Variants in ERMP1 observed in about 807,000 individuals in gnomAD.
ERMP1 encodes endoplasmic reticulum metallopeptidase 1.
A neutral mutation model predicts 92.0 loss-of-function variants in ERMP1; 86 were observed. That is an observed-to-expected ratio of 0.93 (90% CI 0.79 to 1.12). The LOEUF is 1.12. Among genes scored for constraint, ERMP1 ranks in the 50% most tolerant of loss-of-function variants. The pLI is 0.00. For missense variants in ERMP1, 1,342 were observed against 1,116.3 expected, an observed-to-expected ratio of 1.20 and a Z score of -2.88; for synonymous variants, 530 against 412.8, an observed-to-expected ratio of 1.28 and a Z score of -3.44.
chr9:5,844,362 T>C (rs1830208237), intron 6 of ERMP1, among the ~76,000 whole-genome samples: 1 of 152,188 alleles, frequency 6.6e-6, no homozygotes, highest in Admixed American at 6.5e-5. Context: ...GCAACCTCTG[T>C]CTCCCAGGTT....
At chr9:5,827,061 G>A (rs950677372) in intron 2 of ERMP1, among the ~76,000 whole-genome samples, 4 of 152,156 alleles carry the variant, frequency 2.6e-5, no homozygotes, top group Non-Finnish European at 5.9e-5. Context: ...ATAACTCAAT[G>A]CCTCTTCTAC....
intron 1 of ERMP1, among the ~76,000 whole-genome samples, chr9:5,832,085 TAA>T (rs71487835): frequency 1.6e-4 from 22 of 135,814 alleles, no homozygotes; most frequent in Admixed American, 3.7e-4. Context: ...TTAAAGGTCT[TAA>T]AAAAAAAAAA....
chr9:5,787,827 T>C (rs1201883209), intron 13 of ERMP1, among the ~76,000 whole-genome samples: 1 of 152,214 alleles, frequency 6.6e-6, no homozygotes, highest in Non-Finnish European at 1.5e-5. Context: ...GTTAAGTTGG[T>C]CCTATCACTT....
chr9:5,789,551 G>C (rs564975595), intron 13 of ERMP1, among the ~76,000 whole-genome samples: 3 of 152,192 alleles, frequency 2.0e-5, no homozygotes, highest in Non-Finnish European at 4.4e-5. Context: ...TTCAGCAAAA[G>C]AACTTTTTCC....
intron 4 of ERMP1, among the ~76,000 whole-genome samples, chr9:5,821,940 C>T (rs933559389): frequency 1.3e-5 from 2 of 152,188 alleles, no homozygotes; most frequent in African/African-American, 4.8e-5. Flanking sequence ...TGTGTTCCTC[C>T]TATCCTAACT....
chr9:5,826,459 G>C (rs1031430921), intron 2 of ERMP1, among the ~76,000 whole-genome samples: 5 of 152,190 alleles, frequency 3.3e-5, no homozygotes, highest in African/African-American at 1.2e-4. Context: ...ATAATGCCCA[G>C]TGCCTAGCAC....
intron 13 of ERMP1, among the ~76,000 whole-genome samples, chr9:5,790,117 T>C (rs913634775): frequency 2.0e-5 from 3 of 151,634 alleles, no homozygotes; most frequent in Middle Eastern, 3.4e-3. Context: ...AAGAGGAAAG[T>C]AGAATAAGCA....
At chr9:5,857,432 G>C (rs114954572) in intron 6 of ERMP1, among the ~76,000 whole-genome samples, 1 of 152,144 alleles carries the variant, frequency 6.6e-6, no homozygotes, top group Non-Finnish European at 1.5e-5. Flanking sequence ...ACAACTCTGC[G>C]TGTGTCTCAA....
At chr9:5,790,553 A>G (rs1828145708) in intron 13 of ERMP1, among the ~76,000 whole-genome samples, 1 of 152,238 alleles carries the variant, frequency 6.6e-6, no homozygotes, top group African/African-American at 2.4e-5. Context: ...GAATACAGAG[A>G]GATACAGAAA....
At chr9:5,843,672 T>C (rs1830196706) in intron 6 of ERMP1, among the ~76,000 whole-genome samples, 1 of 152,246 alleles carries the variant, frequency 6.6e-6, no homozygotes, top group African/African-American at 2.4e-5. Context: ...TTGTTTATTT[T>C]GCAGGAACAG....
At chr9:5,825,714 C>G (rs942851722) in intron 2 of ERMP1, among the ~76,000 whole-genome samples, 1 of 152,182 alleles carries the variant, frequency 6.6e-6, no homozygotes, top group Non-Finnish European at 1.5e-5. Context: ...TGTAACATTC[C>G]TTTAAGGCTT....
chr9:5,833,859 T>C (rs189106118), upstream of ERMP1, among the ~76,000 whole-genome samples: 1 of 152,292 alleles, frequency 6.6e-6, no homozygotes, highest in Admixed American at 6.5e-5. Context: ...GACGACTCTC[T>C]GGGGCGGTTA....
chr9:5,797,112 T>G (rs1828459450), intron 13 of ERMP1, among the ~76,000 whole-genome samples: 1 of 152,162 alleles, frequency 6.6e-6, no homozygotes, highest in Non-Finnish European at 1.5e-5. Flanking sequence ...GCTATCAGCC[T>G]TGACCTCCTG....
rs1262456619 is a variant in ERMP1 at position 5,787,542 on chromosome 9, G to C, written c.2438C>G (p.Ser813Cys). 6.2e-7 allele frequency: 1 copy of C among 1,613,998 alleles called. No homozygotes were observed. The highest frequency in any genetic ancestry group is 1.3e-5 in the African/African-American group (1 of 74,926). ...GGTGCCATTGCCAAGAGACCACTGA[G>C]AAAGTGTTGACCCTTTGTGGGCTCG... is the stretch of plus-strand genomic sequence containing the variant. ...YVRAHKGSTL[S>C]QWSLGNGTPV... Residue 813 changes from serine (S) to cysteine (C), a missense_variant, in exon 14 of 15, where the codon TCT becomes TGT. Coordinates refer to ENST00000339450, the MANE Select transcript of ERMP1 (RefSeq NM_024896.3).
Position 5,801,288 on chromosome 9 carries a change from A to ATG in ERMP1, c.1953_1954dup (p.Met652ThrfsTer3). The ATG allele has an allele frequency of 6.2e-7, 1 of 1,613,548 alleles. No individual in the cohort carries two copies. The highest frequency in any genetic ancestry group is 8.5e-7 in the Non-Finnish European group (1 of 1,179,764). ...TGCACATACCAAAGTTAAAGTTAGC[A>ATG]TGGTTTTTTTTGTGCTCTTGGCAAG... On this transcript the variant is annotated frameshift_variant, in exon 11 of 15. Coordinates refer to ENST00000339450, the MANE Select transcript of ERMP1 (RefSeq NM_024896.3). LOFTEE classifies it high-confidence loss of function.
intron 8 of ERMP1, among the ~76,000 whole-genome samples, chr9:5,807,131 G>A (rs991359878): frequency 6.6e-6 from 1 of 152,120 alleles, no homozygotes; most frequent in African/African-American, 2.4e-5. Flanking sequence ...AACATCGCTC[G>A]AATCTATTTT....
At chr9:5,789,253 A>G (rs1020275321) in intron 13 of ERMP1, among the ~76,000 whole-genome samples, 1 of 152,174 alleles carries the variant, frequency 6.6e-6, no homozygotes, top group Non-Finnish European at 1.5e-5. Context: ...GAAAAAAAAA[A>G]TCTTCAAGGT....
intron 4 of ERMP1, among the ~76,000 whole-genome samples, chr9:5,815,307 A>T (rs1372103589): frequency 6.6e-6 from 1 of 152,198 alleles, no homozygotes; most frequent in Non-Finnish European, 1.5e-5. Context: ...GGACTAGCAA[A>T]GTACAAGGTA....
At chr9:5,798,397 G>C (rs1339589129) in intron 12 of ERMP1, among the ~76,000 whole-genome samples, 1 of 151,952 alleles carries the variant, frequency 6.6e-6, no homozygotes, top group Non-Finnish European at 1.5e-5. Context: ...TATATTTTTA[G>C]TAGAGACACG....
Sources: gnomAD v4.1 joint callset for allele counts (sites outside exome capture counted in the v4.1 genomes callset) on GRCh38, gnomAD v4.1.1 for gene constraint, MANE v1.5 for transcripts, NCBI Gene and HGNC (gene_info 2026-07-23, HGNC 2026-07-21) for gene names.